The following FBXL7 variants were observed in gnomAD, a reference collection of about 807,000 sequenced individuals.
FBXL7 encodes F-box/LRR-repeat protein 7.
In FBXL7, 12 loss-of-function variants were observed where a neutral mutation model predicts 38.3. That is an observed-to-expected ratio of 0.31 (90% CI 0.20 to 0.51). The LOEUF is 0.51. Among genes scored for constraint, FBXL7 ranks in the 20% least tolerant of loss-of-function variants. The pLI, the probability that FBXL7 is intolerant of heterozygous loss-of-function variation, is 0.98. For missense variants in FBXL7, 567 were observed against 676.4 expected (o/e 0.84, Z 1.79); for synonymous variants, 297 against 300.9 (o/e 0.99, Z 0.13).
intron 2 of FBXL7, among the ~76,000 whole-genome samples, chr5:15,812,671 G>A (rs1365744576): frequency 1.3e-5 from 2 of 152,084 alleles, no homozygotes; most frequent in African/African-American, 2.4e-5. Flanking sequence ...TGTAAAGAAT[G>A]TCAGTGGTAC....
intron 2 of FBXL7, among the ~76,000 whole-genome samples, chr5:15,687,602 G>T (rs989352496): frequency 2.0e-5 from 3 of 152,184 alleles, no homozygotes; most frequent in Admixed American, 2.0e-4. Flanking sequence ...AACTGGTGTA[G>T]CACTGCCCTC....
At chr5:15,885,797 T>C (rs62348081) in intron 2 of FBXL7, among the ~76,000 whole-genome samples, 88,935 of 151,918 alleles carry the variant, frequency 0.59, 26,331 homozygotes, top group Non-Finnish European at 0.64. Flanking sequence ...CAGCCTCAAT[T>C]TCCCAGGTTT....
chr5:15,800,033 T>C (rs190857880), intron 2 of FBXL7, among the ~76,000 whole-genome samples: 107 of 152,332 alleles, frequency 7.0e-4, no homozygotes, highest in Middle Eastern at 3.4e-3. Context: ...AGGGGTTTTC[T>C]GCCTTGAAGT....
chr5:15,662,245 C>G (rs1454632828), intron 2 of FBXL7, among the ~76,000 whole-genome samples: 1 of 152,094 alleles, frequency 6.6e-6, no homozygotes, highest in East Asian at 1.9e-4. Context: ...CTCTAATGAT[C>G]AGTGATATTG....
chr5:15,589,090 A>G (rs1389402011), intron 1 of FBXL7, among the ~76,000 whole-genome samples: 1 of 152,228 alleles, frequency 6.6e-6, no homozygotes, highest in African/African-American at 2.4e-5. Flanking sequence ...GTGGATATAC[A>G]AGAGGAAGAA....
chr5:15,682,093 A>G (rs1230138125), intron 2 of FBXL7, among the ~76,000 whole-genome samples: 1 of 152,224 alleles, frequency 6.6e-6, no homozygotes, highest in Non-Finnish European at 1.5e-5. Context: ...ATCATAGACC[A>G]AGGTGGTCAG....
intron 1 of FBXL7, among the ~76,000 whole-genome samples, chr5:15,608,937 A>G (rs1021359873): frequency 6.6e-6 from 1 of 152,220 alleles, no homozygotes; most frequent in Non-Finnish European, 1.5e-5. Context: ...AGAAGGTGAA[A>G]GGTTTTTATC....
chr5:15,562,390 A>G (rs1466897001), intron 1 of FBXL7, among the ~76,000 whole-genome samples: 4 of 152,160 alleles, frequency 2.6e-5, no homozygotes, highest in African/African-American at 9.7e-5. Flanking sequence ...TCCAAAATAT[A>G]TAAGGAACTT....
At chr5:15,595,188 A>G (rs115665430) in intron 1 of FBXL7, among the ~76,000 whole-genome samples, 1,547 of 152,340 alleles carry the variant, frequency 0.01, 12 homozygotes, top group Non-Finnish European at 0.017. Flanking sequence ...CAAGAGTACT[A>G]TAAGTGTCAG....
At chr5:15,738,595 T>A (rs1242243616) in intron 2 of FBXL7, among the ~76,000 whole-genome samples, 1 of 152,182 alleles carries the variant, frequency 6.6e-6, no homozygotes, top group East Asian at 1.9e-4. Context: ...TTTCACTCTC[T>A]TCCTTGAATT....
intron 2 of FBXL7, among the ~76,000 whole-genome samples, chr5:15,841,969 TGCAGAAG>T: frequency 6.6e-6 from 1 of 152,354 alleles, no homozygotes; most frequent in Non-Finnish European, 1.5e-5. Context: ...GCTAGGGCAG[TGCAGAAG>T]GGAAATGTGG....
At chr5:15,647,654 AAAG>A (rs1238225551) in intron 2 of FBXL7, among the ~76,000 whole-genome samples, 3 of 152,334 alleles carry the variant, frequency 2.0e-5, no homozygotes, top group South Asian at 2.1e-4. Flanking sequence ...GGAGTCCCAG[AAAG>A]AAGAACACTT....
chr5:15,745,866 A>C (rs2126679735), intron 2 of FBXL7, among the ~76,000 whole-genome samples: 1 of 152,326 alleles, frequency 6.6e-6, no homozygotes, highest in Non-Finnish European at 1.5e-5. Flanking sequence ...AGAGAACTTG[A>C]TCAGGTTTCT....
chr5:15,629,960 C>T (rs1168939192), intron 2 of FBXL7, among the ~76,000 whole-genome samples: 1 of 152,020 alleles, frequency 6.6e-6, no homozygotes, highest in African/African-American at 2.4e-5. Flanking sequence ...ACTTGAGGTA[C>T]ATCATGGGAA....
At chr5:15,668,486 CCA>C (rs1306224764) in intron 2 of FBXL7, among the ~76,000 whole-genome samples, 1 of 151,586 alleles carries the variant, frequency 6.6e-6, no homozygotes, top group Non-Finnish European at 1.5e-5. Context: ...TAAATTGTGT[CCA>C]GTGTTAATAA....
At chr5:15,931,302 C>T (rs1050159819) in intron 3 of FBXL7, among the ~76,000 whole-genome samples, 4 of 152,136 alleles carry the variant, frequency 2.6e-5, no homozygotes, top group African/African-American at 9.7e-5. Flanking sequence ...GTTTGTTCAA[C>T]CAATTTTCAA....
chr5:15,870,437 G>A (rs1212765583), intron 2 of FBXL7, among the ~76,000 whole-genome samples: 1 of 152,116 alleles, frequency 6.6e-6, no homozygotes, highest in African/African-American at 2.4e-5. Flanking sequence ...CAAATGCACG[G>A]ATCAGAAAAG....
At chr5:15,509,623 A>C (rs1291315936) in intron 1 of FBXL7, among the ~76,000 whole-genome samples, 2 of 152,186 alleles carry the variant, frequency 1.3e-5, no homozygotes, top group Non-Finnish European at 2.9e-5. Context: ...CAACAACAAA[A>C]AAAAGTGAGT....
At chr5:15,761,445 GTT>G (rs1561116113) in intron 2 of FBXL7, among the ~76,000 whole-genome samples, 1 of 151,998 alleles carries the variant, frequency 6.6e-6, no homozygotes, top group African/African-American at 2.4e-5. Flanking sequence ...AGATTTATTA[GTT>G]TCAGCCCATT....
Sources: allele counts gnomAD v4.1 joint callset (sites outside exome capture counted in the v4.1 genomes callset), GRCh38; gene constraint gnomAD v4.1.1; transcripts MANE v1.5; gene names NCBI Gene and HGNC (gene_info 2026-07-23, HGNC 2026-07-21).